The following MRAP variants were observed in gnomAD, a reference collection of about 807,000 sequenced individuals.
MRAP encodes melanocortin 2 receptor accessory protein, also known as melanocortin-2 receptor accessory protein.
In MRAP, 8 loss-of-function variants were observed where a neutral mutation model predicts 8.7. The ratio of observed to expected loss-of-function variants is 0.92; its 90% CI spans 0.54 to 1.66. MRAP has a LOEUF of 1.66. Ranked by LOEUF, MRAP falls within the 40% of genes most tolerant of loss-of-function variation. MRAP has a pLI of 0.00. For missense variants in MRAP, 237 were observed against 217.1 expected, an observed-to-expected ratio of 1.09 and a Z score of -0.58; for synonymous variants, 95 against 95.5, an observed-to-expected ratio of 1.00 and a Z score of 0.03.
Position 32,292,306 on chromosome 21 carries a change from A to G in MRAP, c.-151+457A>G, listed in dbSNP as rs182293299. ...GCCATGATTTGATAAAAACTGTTCA[A>G]GTTGAGTGATGGTTACATGTGAATT... On this transcript the variant is annotated intron_variant, in intron 1 of 4. Transcript: ENST00000399784. Among the ~76,000 whole-genome samples, 460 of 152,336 alleles carry G rather than the reference A, an allele frequency of 3.0e-3. 4 individuals carry two copies. The highest frequency in any genetic ancestry group is 0.01 in the African/African-American group (427 of 41,572).
chr21:32,298,497 T>C (rs150439665), upstream of MRAP, among the ~76,000 whole-genome samples: 9 of 152,340 alleles, frequency 5.9e-5, no homozygotes, highest in East Asian at 1.7e-3. Flanking sequence ...GGTTGCTCAA[T>C]AGCATCCAGA....
chr21:32,298,845 C>T, upstream of MRAP: 2 of 725,154 alleles, frequency 2.8e-6, no homozygotes, highest in Non-Finnish European at 2.5e-6. Context: ...GACCTTGAGC[C>T]TAGAGACCCA....
chr21:32,294,443 C>T (rs2032104203), upstream of MRAP, among the ~76,000 whole-genome samples: 1 of 152,098 alleles, frequency 6.6e-6, no homozygotes, highest in African/African-American at 2.4e-5. Context: ...ATTGCATCTC[C>T]CTGATGACTA....
chr21:32,301,893 C>T (rs578038420), intron 1 of MRAP, among the ~76,000 whole-genome samples: 28 of 152,266 alleles, frequency 1.8e-4, no homozygotes, highest in Admixed American at 7.8e-4. Flanking sequence ...TTTCTCTGCA[C>T]ACAATGTAGA....
intron 2 of MRAP, among the ~76,000 whole-genome samples, chr21:32,293,356 A>C (rs1032197888): frequency 3.9e-5 from 6 of 152,184 alleles, no homozygotes; most frequent in African/African-American, 1.4e-4. Flanking sequence ...AATTGACATA[A>C]GGTAAGACAC....
At chr21:32,295,155 G>C (rs1195195470), upstream of MRAP, among the ~76,000 whole-genome samples, 1 of 151,958 alleles carries the variant, frequency 6.6e-6, no homozygotes, top group African/African-American at 2.4e-5. Flanking sequence ...AGGGGCATAA[G>C]ACAGGAAAAG....
upstream of MRAP, among the ~76,000 whole-genome samples, chr21:32,297,257 T>C (rs1013237848): frequency 1.3e-5 from 2 of 152,148 alleles, no homozygotes; most frequent in Admixed American, 6.5e-5. Context: ...AACCATATAT[T>C]AGAGGGTTGC....
chr21:32,303,400 A>C (rs949281372), intron 1 of MRAP, among the ~76,000 whole-genome samples: 2 of 152,246 alleles, frequency 1.3e-5, no homozygotes, highest in African/African-American at 4.8e-5. Flanking sequence ...ATGAACCCTT[A>C]GATTGGATTA....
intron 1 of MRAP, among the ~76,000 whole-genome samples, chr21:32,302,680 A>G (rs1451419012): frequency 1.3e-5 from 2 of 152,194 alleles, no homozygotes; most frequent in Non-Finnish European, 2.9e-5. Flanking sequence ...GTTGCAAGCC[A>G]TGCTCTGACC....
At chr21:32,306,571 CT>C in intron 1 of MRAP, 68 bp from the exon 2 acceptor site, 1 of 1,325,136 alleles carries the variant, frequency 7.5e-7, no homozygotes. Context: ...CCTGGGACTC[CT>C]TACTGCCCCT....
At chr21:32,298,760 C>T (rs1569024962), upstream of MRAP, 2 of 525,586 alleles carry the variant, frequency 3.8e-6, no homozygotes, top group Non-Finnish European at 7.0e-6. Flanking sequence ...AGATGGGAAG[C>T]TCTGCTGGAT....
At chr21:32,310,641 TTC>T (rs1491257436) in intron 2 of MRAP, among the ~76,000 whole-genome samples, 2 of 151,712 alleles carry the variant, frequency 1.3e-5, no homozygotes, top group African/African-American at 4.9e-5. Flanking sequence ...GAGGACACAT[TTC>T]TTTTTTTTTT....
chr21:32,302,979 CTTTTT>C lies in MRAP; in HGVS notation c.107-3647_107-3643del, dbSNP rs57692462. ...CAGTAGTAACCTATGCCCCAATTCCCTTTTTTTTTTTTTTTTTTGAGATGGAGTCT... is the reference window on the plus strand; with the variant it reads ...CAGTAGTAACCTATGCCCCAATTCCCTTTTTTTTTTTTTGAGATGGAGTCT... On this transcript the variant is annotated intron_variant, in intron 1 of 2. Coordinates refer to ENST00000303645, the MANE Select transcript of MRAP (RefSeq NM_001379228.1). Among the ~76,000 whole-genome samples the C allele has an allele frequency of 5.5e-3, 688 of 124,238 alleles. 7 individuals are homozygous for C. The highest frequency in any genetic ancestry group is 0.02 in the African/African-American group (641 of 32,212). 81.5% of individuals were successfully genotyped at this position (124,238 alleles called of 152,430 possible).
intron 1 of MRAP, among the ~76,000 whole-genome samples, chr21:32,300,998 T>C (rs1471350105): frequency 4.3e-5 from 6 of 140,352 alleles, no homozygotes; most frequent in Non-Finnish European, 6.2e-5. Flanking sequence ...TCATGATATA[T>C]GATATGATGA....
intron 2 of MRAP, among the ~76,000 whole-genome samples, chr21:32,310,867 G>A (rs559241651): frequency 3.9e-5 from 6 of 151,902 alleles, no homozygotes; most frequent in South Asian, 2.1e-4. Context: ...GGATTGTCTC[G>A]ATCTCCTGAC....
At chr21:32,298,713 C>G (rs1298104324), upstream of MRAP, 1 of 447,288 alleles carries the variant, frequency 2.2e-6, no homozygotes, top group Non-Finnish European at 4.2e-6. Flanking sequence ...TCCTGCCTCT[C>G]TGCTCTGTGT....
intron 1 of MRAP, 53 bp from the exon 2 acceptor site, chr21:32,306,587 G>A (rs1447635853): frequency 2.4e-5 from 35 of 1,488,810 alleles, no homozygotes; most frequent in East Asian, 4.5e-5. Flanking sequence ...GCCCCTCAGC[G>A]TTGCTTTATG....
chr21:32,310,890 C>G (rs1013123959), intron 2 of MRAP: 1 of 152,266 alleles, frequency 6.6e-6, no homozygotes, highest in African/African-American at 2.4e-5. Flanking sequence ...CATGATCCAC[C>G]TGCCTCTGCC....
chr21:32,309,088 A>G (rs1413523885), intron 2 of MRAP, among the ~76,000 whole-genome samples: 1 of 152,178 alleles, frequency 6.6e-6, no homozygotes, highest in African/African-American at 2.4e-5. Context: ...AAAGAGGCTT[A>G]TTTAGCTCAT....
Sources: allele counts gnomAD v4.1 joint callset (sites outside exome capture counted in the v4.1 genomes callset), GRCh38; gene constraint gnomAD v4.1.1; transcripts MANE v1.5; gene names NCBI Gene and HGNC (gene_info 2026-07-23, HGNC 2026-07-21).